Variants in DCAF6 observed in about 807,000 individuals in gnomAD.
DCAF6 encodes the protein DDB1- and CUL4-associated factor 6.
DCAF6 carries 54 observed loss-of-function variants against 125.1 expected under a neutral mutation model. That is an observed-to-expected ratio of 0.43 (90% CI 0.35 to 0.54). DCAF6 has a LOEUF of 0.54. Among genes scored for constraint, DCAF6 ranks in the 20% least tolerant of loss-of-function variants. DCAF6 has a pLI of 0.01. For missense variants in DCAF6, 934 were observed against 1,161.7 expected, an observed-to-expected ratio of 0.80 and a Z score of 2.85; for synonymous variants, 371 against 390.4, an observed-to-expected ratio of 0.95 and a Z score of 0.58.
Position 167,966,641 on chromosome 1 carries a change from T to A in DCAF6, c.172T>A (p.Cys58Ser). ...NVHDGCVNTI[C>S]WNDTGEYILS... Reference sequence around the variant, plus strand: ...GCTTTCTCTTTAGGTTAATACAATCTGTTGGAATGACACTGGAGAATATAT... The same window carrying A: ...GCTTTCTCTTTAGGTTAATACAATCAGTTGGAATGACACTGGAGAATATAT... Residue 58 changes from cysteine (C) to serine (S), a missense_variant, in exon 3 of 22, where the codon TGT (cysteine) becomes AGT (serine). Coordinates refer to ENST00000367840, the MANE Select transcript of DCAF6 (RefSeq NM_001198956.2). 1.3e-6 allele frequency: 2 copies of A among 1,594,308 alleles called. No individual in the cohort carries two copies. Among genetic ancestry groups the A allele is most frequent in the Non-Finnish European group, 1.7e-6 (2 of 1,164,050 alleles).
At chr1:167,892,649 G>T in the DCAF6 span, among the ~76,000 whole-genome samples, 4 of 152,180 alleles carry the variant, frequency 2.6e-5, no homozygotes, top group Non-Finnish European at 5.9e-5. Context: ...GTCAAGCAAT[G>T]CAGGCACTAG....
At chr1:167,888,219 T>G in the DCAF6 span, among the ~76,000 whole-genome samples, 12 of 152,198 alleles carry the variant, frequency 7.9e-5, no homozygotes, top group African/African-American at 2.9e-4. Flanking sequence ...TGATTCCTCC[T>G]GATTTATTCT....
At position 168,075,401 on chromosome 1, in the gene DCAF6, C is replaced by G. The variant is rs771169297; in HGVS notation, c.2822C>G (p.Ser941Cys). 3.1e-6 allele frequency: 5 copies of G among 1,604,138 alleles called. No individual in the cohort carries two copies. The highest frequency in any genetic ancestry group is 4.2e-6 in the Non-Finnish European group (5 of 1,177,798). Residue 941 changes from serine (S) to cysteine (C), a missense_variant, in exon 22 of 22, where the codon TCT becomes TGT. This residue lies in a region of DCAF6 where 36 missense variants were observed against 39.8 expected (regional missense o/e 0.91). Transcript: ENST00000367840. ...DRLEGDRSEGSGQENENEDEE is the reference protein window; with the variant it reads ...DRLEGDRSEGCGQENENEDEE ...TTGGAGGGTGACAGATCAGAAGGCT[C>G]TGGTCAAGAGAATGAAAATGAGGAT...
rs990859663 is a variant in DCAF6, at chr1:167,974,748, A to G, written c.253-82A>G. The G allele has an allele frequency of 1.3e-5, 14 of 1,067,618 alleles. No homozygotes were observed. In the Admixed American group the frequency reaches 1.4e-4, roughly 11 times the overall value. 66.1% of individuals were successfully genotyped at this position (1,067,618 alleles called of 1,614,324 possible). On this transcript the variant is annotated intron_variant, in intron 3 of 21. Transcript: ENST00000367840. ...GAGATGAGAATGTTAATGAGAATGT[A>G]TTACTGGCTATGATTATATTAAAAA...
intron 11 of DCAF6, among the ~76,000 whole-genome samples, chr1:168,020,762 A>G (rs570730637): frequency 6.6e-5 from 10 of 152,262 alleles, no homozygotes; most frequent in Non-Finnish European, 1.3e-4. Context: ...ATATTTGAAA[A>G]TATTTATGTA....
At chr1:167,901,941 C>A in the DCAF6 span, 1 of 1,607,636 alleles carries the variant, frequency 6.2e-7, no homozygotes, top group South Asian at 1.1e-5. Flanking sequence ...AGGATGCCTC[C>A]TTTGTCCCCA....
At chr1:168,044,723 A>G (rs1688949332) in intron 15 of DCAF6, 52 bp downstream of exon 15, 3 of 1,474,036 alleles carry the variant, frequency 2.0e-6, no homozygotes, top group Non-Finnish European at 2.8e-6. Flanking sequence ...AAAAAGCCTT[A>G]ATCTATGTTA....
chr1:167,916,500 C>T, the DCAF6 span, among the ~76,000 whole-genome samples: 1 of 152,202 alleles, frequency 6.6e-6, no homozygotes, highest in Non-Finnish European at 1.5e-5. Context: ...AGCCACCGCA[C>T]CTGGCCAAGA....
the DCAF6 span, among the ~76,000 whole-genome samples, chr1:167,909,103 T>C: frequency 6.6e-6 from 1 of 152,120 alleles, no homozygotes; most frequent in East Asian, 1.9e-4. Flanking sequence ...ACCTTTCTTA[T>C]TTCTAACAAC....
At chr1:167,987,682 TATA>T in intron 5 of DCAF6, 74 bp downstream of exon 5, 1 of 761,334 alleles carries the variant, frequency 1.3e-6, no homozygotes. Flanking sequence ...TAATTAAAGT[TATA>T]ATTAAGGTTA....
At chr1:168,068,563 C>T (rs543572284) in intron 21 of DCAF6, 100 bp downstream of exon 21, 4 of 559,770 alleles carry the variant, frequency 7.1e-6, no homozygotes, top group Admixed American at 8.6e-5. Context: ...TTTTTAATAT[C>T]ACAAAATGAG....
chr1:168,036,954 AAGTTAAG>A (rs1430465304), intron 12 of DCAF6, among the ~76,000 whole-genome samples: 1 of 152,158 alleles, frequency 6.6e-6, no homozygotes, highest in Non-Finnish European at 1.5e-5. Flanking sequence ...CATGAGTTGG[AAGTTAAG>A]ACAGAGGAAT....
chr1:167,997,964 C>A (rs1370132205), intron 7 of DCAF6, among the ~76,000 whole-genome samples: 1 of 151,912 alleles, frequency 6.6e-6, no homozygotes, highest in East Asian at 1.9e-4. Flanking sequence ...CACTTCATAC[C>A]CACTAGGATG....
chr1:167,985,022 C>A (rs1171616023), intron 4 of DCAF6, among the ~76,000 whole-genome samples: 1 of 152,142 alleles, frequency 6.6e-6, no homozygotes, highest in African/African-American at 2.4e-5. Flanking sequence ...TGTGGAAAAA[C>A]TCCCATTTTA....
intron 10 of DCAF6, among the ~76,000 whole-genome samples, chr1:168,010,247 T>A (rs1037885329): frequency 4.6e-5 from 7 of 152,192 alleles, no homozygotes; most frequent in Non-Finnish European, 1.5e-5. Flanking sequence ...AGAAATACTT[T>A]AAAAAATTGT....
intron 17 of DCAF6, among the ~76,000 whole-genome samples, chr1:168,051,951 G>A (rs577278961): frequency 6.6e-6 from 1 of 150,928 alleles, no homozygotes; most frequent in East Asian, 2.0e-4. Context: ...CGCAGTCCCA[G>A]CCCACTACAA....
At chr1:167,945,060 A>G (rs1221016413) in intron 1 of DCAF6, among the ~76,000 whole-genome samples, 1 of 152,154 alleles carries the variant, frequency 6.6e-6, no homozygotes, top group East Asian at 1.9e-4. Context: ...TGGGTTCTCT[A>G]TGCTGTTCCA....
chr1:167,903,255 C>CAAA, the DCAF6 span, among the ~76,000 whole-genome samples: 32 of 143,174 alleles, frequency 2.2e-4, no homozygotes, highest in African/African-American at 6.7e-4. Flanking sequence ...GACTCTGACT[C>CAAA]AAAAAAAAAA....
the DCAF6 span, chr1:167,880,216 T>A: frequency 1.9e-6 from 3 of 1,592,478 alleles, no homozygotes; most frequent in Admixed American, 5.1e-5. Context: ...ACAAGATTTG[T>A]GGGGAAAGAA....
Sources: gnomAD v4.1 joint callset for allele counts (sites outside exome capture counted in the v4.1 genomes callset) on GRCh38, gnomAD v4.1.1 for gene constraint, gnomAD v4.1.1 regional missense constraint, MANE v1.5 for transcripts, NCBI Gene and HGNC (gene_info 2026-07-23, HGNC 2026-07-21) for gene names.